Variants in CNTRL observed in about 807,000 individuals in gnomAD.
CNTRL encodes 110 kDa centrosomal protein.
In CNTRL, 233 loss-of-function variants were observed where a neutral mutation model predicts 303.7. The observed-to-expected ratio is 0.77, with a 90% CI of 0.69 to 0.86. The LOEUF (loss-of-function observed/expected upper bound fraction) is 0.86. CNTRL is among the 40% of genes least tolerant of loss of function. The pLI is 0.00. For missense variants in CNTRL, 2,524 were observed against 2,650.6 expected (o/e 0.95, Z 1.05); for synonymous variants, 900 against 922.2 (o/e 0.98, Z 0.44).
At chr9:121,101,547 A>C (rs924681631) in intron 7 of CNTRL, among the ~76,000 whole-genome samples, 1 of 152,156 alleles carries the variant, frequency 6.6e-6, no homozygotes, top group Non-Finnish European at 1.5e-5. Flanking sequence ...ATACAACTAA[A>C]ATCAGAGCCA....
chr9:121,112,328 T>A (rs2049783113), intron 8 of CNTRL, 131 bp from the exon 9 acceptor site: 1 of 544,334 alleles, frequency 1.8e-6, no homozygotes, highest in Non-Finnish European at 3.0e-6. Flanking sequence ...ATGTTCTGAG[T>A]GTTGTGCAGC....
chr9:121,177,067 A>T, intron 43 of CNTRL, 96 bp from the exon 44 acceptor site: 1 of 975,126 alleles, frequency 1.0e-6, no homozygotes, highest in Non-Finnish European at 1.6e-6. Flanking sequence ...GTACTCAAAT[A>T]TGTCATTTAC....
rs1276467405 is a variant in CNTRL at position 121,090,272 on chromosome 9, C to G, written c.218-3C>G. On this transcript the variant is annotated splice_polypyrimidine_tract_variant and splice_region_variant and intron_variant, in intron 3 of 43. Transcript: ENST00000373855. ...TGATGATGATCTGTTTCTATAATTT[C>G]AGGAGCTGATTCACATGCAGGAGTT... The G allele has an allele frequency of 2.5e-6, 4 of 1,591,834 alleles. No homozygotes were observed. Among genetic ancestry groups the G allele is most frequent in the Non-Finnish European group, 2.6e-6 (3 of 1,170,830 alleles).
At chr9:121,145,564 A>C (rs1022199442) in intron 22 of CNTRL, among the ~76,000 whole-genome samples, 179 bp downstream of exon 22, 1 of 152,206 alleles carries the variant, frequency 6.6e-6, no homozygotes, top group Non-Finnish European at 1.5e-5. Flanking sequence ...ATTTTCTGTA[A>C]GTGTGTTACT....
In CNTRL at chr9:121,145,241, T is replaced by C; in HGVS notation, c.3169-3T>C. On this transcript the variant is annotated splice_polypyrimidine_tract_variant and splice_region_variant and intron_variant, in intron 21 of 43. Coordinates refer to ENST00000373855, the MANE Select transcript of CNTRL (RefSeq NM_007018.6). ...ACTTTGTATGTGTAATTTTTTTAAA[T>C]AGTTTCGACTTGAGATGGAGAAAAC... 6.3e-7 allele frequency: 1 copy of C among 1,599,056 alleles called. No homozygotes were observed. Among genetic ancestry groups the C allele is most frequent in the Non-Finnish European group, 8.5e-7 (1 of 1,176,078 alleles).
chr9:121,113,790 T>C (rs879554252), intron 10 of CNTRL, 66 bp downstream of exon 10: 49 of 1,117,492 alleles, frequency 4.4e-5, no homozygotes, highest in Non-Finnish European at 5.7e-5. Context: ...TAGGCCAATT[T>C]TGTTTTATAA....
chr9:121,122,002 CAG>C (rs1486947816), intron 12 of CNTRL: 5 of 853,914 alleles, frequency 5.9e-6, no homozygotes, highest in Non-Finnish European at 5.6e-6. Context: ...GAGGAGGAGT[CAG>C]AGATGTAAGT....
chr9:121,144,020 G>A lies in CNTRL; in HGVS notation c.2989G>A (p.Ala997Thr). 1 of 1,613,918 alleles carries A rather than the reference G, an allele frequency of 6.2e-7. No individual in the cohort carries two copies. The highest frequency in any genetic ancestry group is 8.5e-7 in the Non-Finnish European group (1 of 1,179,884). The change falls in exon 20 of 44, where the codon GCC becomes ACC. Residue 997 changes from alanine (A) to threonine (T), a missense_variant. Physicochemically the swap from Ala to Thr is moderately conservative, Grantham distance 58. Coordinates refer to ENST00000373855, the MANE Select transcript of CNTRL (RefSeq NM_007018.6). The stretch of plus-strand genomic sequence containing the variant: ...GCTAGCCACAGCTGAGCTCACCATT[G>A]CCAAAGACCAGCTGAAGTCCCTTCA... Reference protein sequence around the residue: ...DKLATAELTIAKDQLKSLHGT... With the variant: ...DKLATAELTITKDQLKSLHGT...
In CNTRL at chr9:121,075,075, T is replaced by A. The variant is rs895302155; in HGVS notation, c.-205+8T>A. 2.5e-6 allele frequency: 1 copy of A among 405,234 alleles called. No homozygotes were observed. Among genetic ancestry groups the A allele is most frequent in the South Asian group, 1.8e-5 (1 of 56,634 alleles). The allele number at this position is 405,234 out of a possible 1,614,324, so 25.1% of individuals were successfully genotyped here. A position where few individuals can be genotyped will look rare whatever the true frequency, so the allele number is the denominator to read the frequency against. ...CGGCTCGGCTTCTAGGCGGTGAGCG[T>A]CAGACCTGGCCGAGCCCGTTCCCCG... On this transcript the variant is annotated splice_region_variant and intron_variant, in intron 1 of 43. Coordinates refer to ENST00000373855, the MANE Select transcript of CNTRL (RefSeq NM_007018.6).
At chr9:121,097,603 A>C (rs540784604) in intron 6 of CNTRL, among the ~76,000 whole-genome samples, 1 of 152,172 alleles carries the variant, frequency 6.6e-6, no homozygotes, top group Non-Finnish European at 1.5e-5. Flanking sequence ...TCAGAGCCCA[A>C]GCCCAACCCC....
At position 121,144,889 on chromosome 9, in the gene CNTRL, C is replaced by T. The variant is rs990653562; in HGVS notation, c.3098C>T (p.Ala1033Val). ...ERFSRKAAQA[A>V]RDLTRAEAEI... ...TTCAGCAGAAAGGCAGCACAAGCAG[C>T]CAGAGATCTCACCCGAGCAGAAGCT... The change falls in exon 21 of 44, where the codon GCC (alanine) becomes GTC (valine). Residue 1033 changes from alanine (A) to valine (V), a missense_variant. Physicochemically the swap from Ala to Val is moderately conservative, Grantham distance 64 (BLOSUM62 0). Transcript: ENST00000373855. 1 of 1,613,450 alleles carries T rather than the reference C, an allele frequency of 6.2e-7. No individual in the cohort carries two copies. The highest frequency in any genetic ancestry group is 1.1e-5 in the South Asian group (1 of 91,034).
At position 121,176,964 on chromosome 9, in the gene CNTRL, G is replaced by C. The variant is rs2053551850; in HGVS notation, c.6955-199G>C. ...TTTAAACTAGAACTTTTAATTGGAG[G>C]ATCTTGAATTTTAGCAGTTTTAAGA... On this transcript the variant is annotated intron_variant, in intron 43 of 43. Transcript: ENST00000373855. Among the ~76,000 whole-genome samples the C allele has an allele frequency of 2.6e-5, 4 of 152,068 alleles. 1 individual carries two copies. The South Asian group carries it at 8.3e-4, about 32-fold the overall frequency.
intron 7 of CNTRL, 21 bp downstream of exon 7, chr9:121,098,593 T>C (rs1180120830): frequency 1.1e-5 from 17 of 1,496,346 alleles, no homozygotes; most frequent in Admixed American, 2.2e-5. Context: ...ATTTAAAAAA[T>C]AATAAATTTG....
Position 121,141,420 on chromosome 9 carries a change from T to C in CNTRL, c.2523T>C (p.Ala841=), listed in dbSNP as rs770070894. The change falls in exon 18 of 44, where the codon GCT becomes GCC. Residue 841 remains alanine, a synonymous_variant. Transcript: ENST00000373855. The part of the protein sequence containing the change: ...SPSDVLGKSL[A]DLQKQFSEIL... Reference sequence around the variant, plus strand: ...CAGATGTCTTAGGGAAAAGTCTTGCTGATTTACAGAAACAATTCAGTGAAA... The same window carrying C: ...CAGATGTCTTAGGGAAAAGTCTTGCCGATTTACAGAAACAATTCAGTGAAA... 6.2e-7 allele frequency: 1 copy of C among 1,614,050 alleles called. No individual in the cohort carries two copies. Among genetic ancestry groups the C allele is most frequent in the Non-Finnish European group, 8.5e-7 (1 of 1,179,952 alleles).
chr9:121,120,097 C>T (rs2050162166), intron 12 of CNTRL, among the ~76,000 whole-genome samples: 1 of 151,168 alleles, frequency 6.6e-6, no homozygotes, highest in Admixed American at 6.6e-5. Flanking sequence ...ACATATTCTC[C>T]TGGTATACCT....
At chr9:121,104,694 A>ATTTTTTTTTTTTTTT (rs10693661) in intron 7 of CNTRL, among the ~76,000 whole-genome samples, 1 of 96,450 alleles carries the variant, frequency 1.0e-5, no homozygotes, top group Non-Finnish European at 2.0e-5. Flanking sequence ...GCCACTGGCA[A>ATTTTTTTTTTTTTTT]TTTTTTTTTT....
intron 15 of CNTRL, among the ~76,000 whole-genome samples, chr9:121,137,202 T>C (rs1292078556): frequency 1.3e-5 from 2 of 152,202 alleles, no homozygotes; most frequent in Admixed American, 6.5e-5. Context: ...ATGAGCTGCA[T>C]CTTCTTTCAG....
At position 121,165,358 on chromosome 9, in the gene CNTRL, T is replaced by A. The variant is rs368021986; in HGVS notation, c.5581+258T>A. On this transcript the variant is annotated intron_variant, in intron 35 of 43. Transcript: ENST00000373855. ...AATTCATGTTCCTTAGAGAACAATT[T>A]TAAAACAGCAAAAAGAAATAAAAAT... 1.1e-3 allele frequency among the ~76,000 whole-genome samples: 170 copies of A among 152,290 alleles called. 1 individual carries two copies. The highest frequency in any genetic ancestry group is 2.6e-3 in the African/African-American group (110 of 41,570).
intron 12 of CNTRL, among the ~76,000 whole-genome samples, chr9:121,121,312 A>G (rs2050213952): frequency 6.6e-6 from 1 of 152,218 alleles, no homozygotes; most frequent in Admixed American, 6.5e-5. Flanking sequence ...AAAATGTGAT[A>G]TAGAAATATT....
Sources: allele counts gnomAD v4.1 joint callset (sites outside exome capture counted in the v4.1 genomes callset), GRCh38; gene constraint gnomAD v4.1.1; transcripts MANE v1.5; gene names NCBI Gene and HGNC (gene_info 2026-07-23, HGNC 2026-07-21).